The following MB variants were observed in gnomAD, a reference collection of about 807,000 sequenced individuals.
MB encodes myoglobin.
Under a neutral mutation model 14.5 loss-of-function variants are expected in MB, and 10 were observed. The ratio of observed to expected loss-of-function variants is 0.69; its 90% CI spans 0.43 to 1.17. The LOEUF is 1.17. Ranked by LOEUF, MB falls within the 50% of genes most tolerant of loss-of-function variation. The pLI is 0.00. For missense variants in MB, 169 were observed against 192.7 expected, an observed-to-expected ratio of 0.88 and a Z score of 0.73; for synonymous variants, 89 against 78.6, an observed-to-expected ratio of 1.13 and a Z score of -0.70.
At chr22:35,619,606 A>G (rs2145926613), upstream of MB, among the ~76,000 whole-genome samples, 1 of 152,384 alleles carries the variant, frequency 6.6e-6, no homozygotes, top group Non-Finnish European at 1.5e-5. Flanking sequence ...CCATCTGAAT[A>G]GTCAGCATCT....
Position 35,607,246 on chromosome 22 carries a change from C to G in MB, c.*51G>C, listed in dbSNP as rs775818702. The G allele has an allele frequency of 1.1e-4, 169 of 1,574,046 alleles. No individual in the cohort carries two copies. The highest frequency in any genetic ancestry group is 1.4e-4 in the Non-Finnish European group (159 of 1,156,258). ...TATGGCTACACGAGATCAGACCCCG[C>G]TCTCTCTTGAACCCGGGGCCCAGAT... On this transcript the variant is annotated 3_prime_UTR_variant, in exon 3 of 3. Transcript: ENST00000397326.
intron 2 of MB, among the ~76,000 whole-genome samples, chr22:35,607,717 C>T (rs769507082): frequency 2.6e-5 from 4 of 152,088 alleles, no homozygotes; most frequent in Admixed American, 6.5e-5. Flanking sequence ...CCAGGAGGGC[C>T]GGCTCCGGAG....
At chr22:35,613,621 G>T (rs376928675) in intron 1 of MB, among the ~76,000 whole-genome samples, 1 of 152,080 alleles carries the variant, frequency 6.6e-6, no homozygotes, top group East Asian at 1.9e-4. Context: ...TCAGCCTCCC[G>T]CGTAGCTGGG....
At chr22:35,620,346 C>T (rs887179454), upstream of MB, among the ~76,000 whole-genome samples, 1 of 152,146 alleles carries the variant, frequency 6.6e-6, no homozygotes, top group African/African-American at 2.4e-5. Flanking sequence ...AAAAAGAAGC[C>T]ATGGGGATGC....
In MB at chr22:35,607,121, C is replaced by T. The variant is rs933820239; in HGVS notation, c.*176G>A. ...GATGACATCCCACAGGGAGGCGCAT[C>T]GCTGGGCATGCAAAGCCAACTTCAA... On this transcript the variant is annotated 3_prime_UTR_variant, in exon 3 of 3. Coordinates refer to ENST00000397326, the MANE Select transcript of MB (RefSeq NM_005368.3). 3.6e-5 allele frequency: 22 copies of T among 614,502 alleles called. No homozygotes were observed. In the Admixed American group the frequency reaches 5.2e-4, roughly 14 times the overall value. The allele number at this position is 614,502 out of a possible 1,614,324, so 38.1% of individuals were successfully genotyped here.
chr22:35,614,383 T>A (rs1329595042), intron 1 of MB, among the ~76,000 whole-genome samples: 2 of 151,798 alleles, frequency 1.3e-5, no homozygotes, highest in Non-Finnish European at 2.9e-5. Flanking sequence ...AGGTCAGGAG[T>A]TCGAGACCAG....
intron 1 of MB, among the ~76,000 whole-genome samples, chr22:35,613,076 C>T (rs546452035): frequency 2.0e-5 from 3 of 152,354 alleles, no homozygotes; most frequent in Admixed American, 1.3e-4. Flanking sequence ...TTGTCTCTGA[C>T]ACCTTTCATC....
chr22:35,607,105 C>G lies in MB; in HGVS notation c.*192G>C. 1.8e-6 allele frequency: 1 copy of G among 547,974 alleles called. No individual in the cohort carries two copies. The highest frequency in any genetic ancestry group is 3.2e-6 in the Non-Finnish European group (1 of 315,796). 33.9% of individuals were successfully genotyped at this position (547,974 alleles called of 1,614,324 possible). On this transcript the variant is annotated 3_prime_UTR_variant, in exon 3 of 3. Transcript: ENST00000397326. Reference sequence around the variant, plus strand: ...TCCCGGTTCCCAGGGTGATGACATCCCACAGGGAGGCGCATCGCTGGGCAT... The same window carrying G: ...TCCCGGTTCCCAGGGTGATGACATCGCACAGGGAGGCGCATCGCTGGGCAT...
chr22:35,613,707 C>T (rs1399195662), intron 1 of MB, among the ~76,000 whole-genome samples: 1 of 152,090 alleles, frequency 6.6e-6, no homozygotes, highest in Non-Finnish European at 1.5e-5. Context: ...CTATGTGGCT[C>T]AGGCTGGTCT....
At position 35,611,140 on chromosome 22, in the gene MB, G is replaced by T. The variant is rs1345064982; in HGVS notation, c.96-34C>A. ...ACAGGGAAGGCTGGAGTCGGCATGG[G>T]AGGTGCGGTGTGAGGTCTGGGGGCA... is the stretch of plus-strand genomic sequence containing the variant. On this transcript the variant is annotated intron_variant, in intron 1 of 2. Transcript: ENST00000397326. The T allele has an allele frequency of 3.9e-6, 6 of 1,527,464 alleles. No homozygotes were observed. In the African/African-American group the frequency reaches 4.1e-5, roughly 10 times the overall value. 94.6% of individuals were successfully genotyped at this position (1,527,464 alleles called of 1,614,324 possible).
chr22:35,610,828 T>C (rs1922551547), intron 2 of MB, 56 bp downstream of exon 2: 8 of 1,422,870 alleles, frequency 5.6e-6, no homozygotes, highest in Admixed American at 5.5e-5. Flanking sequence ...CCAGATCCCA[T>C]TGCCCCACCC....
intron 2 of MB, among the ~76,000 whole-genome samples, chr22:35,610,004 G>A (rs1270132215): frequency 6.6e-6 from 1 of 152,180 alleles, no homozygotes; most frequent in African/African-American, 2.4e-5. Context: ...AGGCAACTTT[G>A]AGGATGGATG....
chr22:35,607,822 C>A (rs1922276507), intron 2 of MB, among the ~76,000 whole-genome samples: 1 of 152,082 alleles, frequency 6.6e-6, no homozygotes, highest in African/African-American at 2.4e-5. Flanking sequence ...TTGGGGGCAG[C>A]AGAAAAGAAG....
At chr22:35,615,162 A>G (rs973137416) in intron 1 of MB, among the ~76,000 whole-genome samples, 2 of 152,164 alleles carry the variant, frequency 1.3e-5, no homozygotes, top group African/African-American at 4.8e-5. Context: ...TGGAGACATA[A>G]CCTTTCAAGG....
At chr22:35,620,648 A>G (rs993020980), upstream of MB, among the ~76,000 whole-genome samples, 11 of 152,322 alleles carry the variant, frequency 7.2e-5, no homozygotes, top group Non-Finnish European at 1.6e-4. Context: ...TGCGCTGGGG[A>G]AGGCCAAGAG....
At chr22:35,618,215 A>G (rs5750135), upstream of MB, among the ~76,000 whole-genome samples, 116,740 of 152,148 alleles carry the variant, frequency 0.77, 45,730 homozygotes, top group East Asian at 0.94. Flanking sequence ...CTGATGTACA[A>G]CTAGTCGCTG....
chr22:35,619,830 T>G (rs1338082429), upstream of MB, among the ~76,000 whole-genome samples: 1 of 152,274 alleles, frequency 6.6e-6, no homozygotes, highest in South Asian at 2.1e-4. Flanking sequence ...GAGCCGCCAC[T>G]CCCTGGAGGA....
rs1922308155 is a variant in MB at position 35,608,297 on chromosome 22, G to A, written c.319-854C>T. The stretch of plus-strand genomic sequence containing the variant: ...GTGCACCAAGGAGTGTCGTTTTACA[G>A]AGGAGAAAATCAAGTGGCCAGACCG... On this transcript the variant is annotated intron_variant, in intron 2 of 2. Transcript: ENST00000397326. This position sits in a 1 kb window ranked among gnomAD's most constrained non-coding sequence, Gnocchi z 4.3. Among the ~76,000 whole-genome samples, 1 of 152,202 alleles carries A rather than the reference G, an allele frequency of 6.6e-6. No homozygotes were observed. The highest frequency in any genetic ancestry group is 2.4e-5 in the African/African-American group (1 of 41,448).
chr22:35,607,411 C>T lies in MB; in HGVS notation c.351G>A (p.Gln117=). The change falls in exon 3 of 3, where the codon CAG becomes CAA. Residue 117 remains glutamine, a synonymous_variant. Coordinates refer to ENST00000397326, the MANE Select transcript of MB (RefSeq NM_005368.3). ...FISECIIQVL[Q]SKHPGDFGAD... ...CACCAAAGTCCCCGGGATGCTTGCT[C>T]TGCAGAACCTGGATGATGCATTCCG... The T allele has an allele frequency of 1.2e-6, 2 of 1,614,058 alleles. No individual in the cohort carries two copies. The highest frequency in any genetic ancestry group is 2.7e-5 in the African/African-American group (2 of 75,068).
Sources: allele counts gnomAD v4.1 joint callset (sites outside exome capture counted in the v4.1 genomes callset), GRCh38; gene constraint gnomAD v4.1.1; non-coding constraint Gnocchi (gnomAD v3.1); transcripts MANE v1.5; gene names NCBI Gene and HGNC (gene_info 2026-07-23, HGNC 2026-07-21).